The following DGKI variants were observed in gnomAD, a reference collection of about 807,000 sequenced individuals.
DGKI encodes diacylglycerol kinase iota.
In DGKI, 55 loss-of-function variants were observed where a neutral mutation model predicts 147.5. The observed-to-expected ratio is 0.37, with a 90% CI of 0.30 to 0.47. DGKI has a LOEUF of 0.47. Among genes scored for constraint, DGKI ranks in the 20% least tolerant of loss-of-function variants. The probability of loss-of-function intolerance (pLI) is 1.00; values close to 1 mark genes in which losing one functional copy is unlikely to be tolerated. For synonymous variants in DGKI, 469 were observed against 477.1 expected (o/e 0.98, Z 0.22); for missense variants, 1,007 against 1,323.8 (o/e 0.76, Z 3.71).
At chr7:137,745,283 T>C (rs1439767417) in intron 1 of DGKI, among the ~76,000 whole-genome samples, 1 of 152,122 alleles carries the variant, frequency 6.6e-6, no homozygotes, top group Non-Finnish European at 1.5e-5. Context: ...AGTACCTCTC[T>C]CTCCTCCTTG....
intron 20 of DGKI, among the ~76,000 whole-genome samples, chr7:137,532,223 A>T (rs189702783): frequency 7.2e-5 from 11 of 152,228 alleles, no homozygotes; most frequent in Non-Finnish European, 1.3e-4. Flanking sequence ...CTGAAAAGCT[A>T]CTCTACAGAT....
chr7:137,742,916 G>A (rs890274386), intron 1 of DGKI, among the ~76,000 whole-genome samples: 1 of 152,138 alleles, frequency 6.6e-6, no homozygotes, highest in East Asian at 1.9e-4. Context: ...AGTTCTAGTG[G>A]GAACTGGGCT....
chr7:137,732,078 A>T (rs1372778539), intron 1 of DGKI, among the ~76,000 whole-genome samples: 1 of 152,102 alleles, frequency 6.6e-6, no homozygotes, highest in African/African-American at 2.4e-5. Context: ...TGTAACATGG[A>T]TCTCTTTGCC....
At chr7:137,797,599 T>C (rs1797073019) in intron 1 of DGKI, among the ~76,000 whole-genome samples, 2 of 152,118 alleles carry the variant, frequency 1.3e-5, no homozygotes, top group Admixed American at 6.5e-5. Context: ...TAAGTTGATA[T>C]TAACCTGAAC....
intron 1 of DGKI, among the ~76,000 whole-genome samples, chr7:137,723,404 T>C (rs1268510149): frequency 6.6e-6 from 1 of 152,154 alleles, no homozygotes. Context: ...GCTGTCAAAA[T>C]AAAAAGCCAC....
chr7:137,486,951 C>A (rs929460110), intron 22 of DGKI, among the ~76,000 whole-genome samples: 1 of 151,958 alleles, frequency 6.6e-6, no homozygotes, highest in Non-Finnish European at 1.5e-5. Flanking sequence ...ATGCTTTTTG[C>A]AATTTGTGGA....
chr7:137,501,540 A>G (rs1816170433), intron 21 of DGKI, among the ~76,000 whole-genome samples: 1 of 152,202 alleles, frequency 6.6e-6, no homozygotes, highest in Admixed American at 6.5e-5. Flanking sequence ...TGCAAAAGAC[A>G]GTCAAATAAT....
At chr7:137,699,575 A>C (rs936019043) in intron 1 of DGKI, among the ~76,000 whole-genome samples, 7 of 152,220 alleles carry the variant, frequency 4.6e-5, no homozygotes, top group Admixed American at 1.3e-4. Context: ...TACTGAGATA[A>C]AAAGATAATC....
intron 1 of DGKI, among the ~76,000 whole-genome samples, chr7:137,745,131 T>G (rs530694244): frequency 6.6e-6 from 1 of 152,310 alleles, no homozygotes; most frequent in Non-Finnish European, 1.5e-5. Flanking sequence ...AAAAATGTAG[T>G]GCAGCTGTAA....
At chr7:137,783,889 T>C (rs35571756) in intron 1 of DGKI, among the ~76,000 whole-genome samples, 49,781 of 152,114 alleles carry the variant, frequency 0.33, 8,354 homozygotes, top group Middle Eastern at 0.43. Flanking sequence ...GCTTCATAAA[T>C]GAGGGATAGA....
intron 29 of DGKI, among the ~76,000 whole-genome samples, chr7:137,410,322 G>A (rs1047904649): frequency 3.3e-5 from 5 of 152,136 alleles, no homozygotes; most frequent in South Asian, 2.1e-4. Flanking sequence ...GGAGAATGGC[G>A]TGAACCCGGG....
chr7:137,807,050 C>T (rs961073533), intron 1 of DGKI, among the ~76,000 whole-genome samples: 3 of 152,138 alleles, frequency 2.0e-5, no homozygotes, highest in Non-Finnish European at 4.4e-5. Context: ...ACTTTTAATC[C>T]TGGGTCACTG....
intron 28 of DGKI, among the ~76,000 whole-genome samples, chr7:137,431,772 C>G (rs947825063): frequency 6.6e-6 from 1 of 152,236 alleles, no homozygotes; most frequent in Non-Finnish European, 1.5e-5. Flanking sequence ...CCAAGCTCAG[C>G]CTGCTCCAGG....
intron 1 of DGKI, among the ~76,000 whole-genome samples, chr7:137,829,337 C>T (rs928268506): frequency 1.3e-5 from 2 of 152,224 alleles, no homozygotes; most frequent in Admixed American, 6.5e-5. Flanking sequence ...TAGTTACACC[C>T]TGAAAGTACA....
chr7:137,510,555 A>C (rs1296416420), intron 21 of DGKI, among the ~76,000 whole-genome samples: 2 of 152,254 alleles, frequency 1.3e-5, no homozygotes, highest in Non-Finnish European at 2.9e-5. Flanking sequence ...CTGAAAATCA[A>C]GATGAAATAT....
chr7:137,463,453 T>C lies in DGKI; in HGVS notation c.2735+36A>G, dbSNP rs774847279. 1.1e-5 allele frequency: 18 copies of C among 1,609,904 alleles called. No homozygotes were observed. The South Asian group carries it at 1.7e-4, about 15-fold the overall frequency. ...GTACATCCTCTCCCAGCAATCACAG[T>C]GGCACAGAGGAAAAGAACAGCAAGA... On this transcript the variant is annotated intron_variant, in intron 27 of 32. Transcript: ENST00000614521.
chr7:137,489,894 T>C (rs1385588433), intron 21 of DGKI, among the ~76,000 whole-genome samples: 1 of 152,184 alleles, frequency 6.6e-6, no homozygotes, highest in Non-Finnish European at 1.5e-5. Flanking sequence ...CAAGTATAAA[T>C]TCAATGTACT....
intron 1 of DGKI, among the ~76,000 whole-genome samples, chr7:137,840,714 G>A (rs915199262): frequency 6.6e-6 from 1 of 152,244 alleles, no homozygotes; most frequent in African/African-American, 2.4e-5. Context: ...GAAAAAGGCA[G>A]AGGTTTCTTT....
chr7:137,803,906 G>A (rs772928421), intron 1 of DGKI, among the ~76,000 whole-genome samples: 7 of 152,266 alleles, frequency 4.6e-5, no homozygotes, highest in South Asian at 2.1e-4. Flanking sequence ...TCTTAGATTC[G>A]TGAGGTAAAT....
Sources: allele counts gnomAD v4.1 joint callset (sites outside exome capture counted in the v4.1 genomes callset), GRCh38; gene constraint gnomAD v4.1.1; transcripts MANE v1.5; gene names NCBI Gene and HGNC (gene_info 2026-07-23, HGNC 2026-07-21).